Variants in MTSS2 observed in about 807,000 individuals in gnomAD.
MTSS2 encodes MTSS I-BAR domain containing 2.
MTSS2 carries 27 observed loss-of-function variants against 67.1 expected under a neutral mutation model. The ratio of observed to expected loss-of-function variants is 0.40; its 90% CI spans 0.30 to 0.55. The LOEUF is 0.55. Ranked by LOEUF, MTSS2 falls within the 20% of genes least tolerant of loss-of-function variation. MTSS2 has a pLI of 0.43. For missense variants in MTSS2, 1,171 were observed against 1,067.8 expected (o/e 1.10, Z -1.35); for synonymous variants, 624 against 468.6 (o/e 1.33, Z -4.28).
intron 7 of MTSS2, 81 bp from the exon 8 acceptor site, chr16:70,678,490 G>A: frequency 6.6e-7 from 1 of 1,505,792 alleles, no homozygotes; most frequent in African/African-American, 1.4e-5. Context: ...GACCCTGGTG[G>A]TGGCATCTCT....
chr16:70,676,124 G>A (rs1006018060), intron 10 of MTSS2, among the ~76,000 whole-genome samples: 4 of 152,220 alleles, frequency 2.6e-5, no homozygotes, highest in Non-Finnish European at 5.9e-5. Context: ...TGGGGAGAGG[G>A]GTGCCTGGCA....
chr16:70,679,366 G>A (rs1206303675), intron 6 of MTSS2, 43 bp from the exon 7 acceptor site: 2 of 1,612,532 alleles, frequency 1.2e-6, no homozygotes, highest in Non-Finnish European at 8.5e-7. Context: ...GACAGAGAAA[G>A]AAAGAATGTG....
intron 3 of MTSS2, among the ~76,000 whole-genome samples, chr16:70,680,329 C>T (rs1287482907): frequency 6.6e-6 from 1 of 152,108 alleles, no homozygotes; most frequent in Non-Finnish European, 1.5e-5. Context: ...CAGGAGCCGG[C>T]CAAACGACCC....
chr16:70,684,179 C>T lies in MTSS2; in HGVS notation c.69+1544G>A, dbSNP rs564686161. 4.6e-5 allele frequency among the ~76,000 whole-genome samples: 7 copies of T among 152,184 alleles called. No homozygotes were observed. The South Asian group carries it at 6.2e-4, about 14-fold the overall frequency. ...GCCAGTGGTGGTGGGTGGTGGGGTGCGGGAAGGCCCATCCGGAGCCAGCTC... is the reference window on the plus strand; with the variant it reads ...GCCAGTGGTGGTGGGTGGTGGGGTGTGGGAAGGCCCATCCGGAGCCAGCTC... On this transcript the variant is annotated intron_variant, in intron 1 of 14. Coordinates refer to ENST00000338779, the MANE Select transcript of MTSS2 (RefSeq NM_138383.3).
intron 13 of MTSS2, 76 bp downstream of exon 13, chr16:70,664,844 T>A: frequency 4.6e-6 from 7 of 1,518,788 alleles, no homozygotes; most frequent in Non-Finnish European, 4.4e-6. Context: ...GCCAGGTGGT[T>A]GGAGCCGGCC....
At chr16:70,684,089 G>C (rs1263696818) in intron 1 of MTSS2, among the ~76,000 whole-genome samples, 2 of 152,248 alleles carry the variant, frequency 1.3e-5, no homozygotes, top group African/African-American at 2.4e-5. Flanking sequence ...GAGAGGGAGA[G>C]AGACTGTCCT....
chr16:70,664,537 G>A, intron 14 of MTSS2, 61 bp downstream of exon 14: 1 of 1,585,632 alleles, frequency 6.3e-7, no homozygotes. Flanking sequence ...GGAAGGACGG[G>A]GCCCTCCTGG....
chr16:70,679,761 A>T, intron 5 of MTSS2, 25 bp downstream of exon 5: 1 of 1,610,396 alleles, frequency 6.2e-7, no homozygotes, highest in Non-Finnish European at 8.5e-7. Flanking sequence ...GGGGGGTGGG[A>T]AGCCCGGCTC....
intron 13 of MTSS2, 46 bp from the exon 14 acceptor site, chr16:70,664,809 C>T (rs1180335310): frequency 6.4e-7 from 1 of 1,553,084 alleles, no homozygotes; most frequent in Non-Finnish European, 8.7e-7. Context: ...CCCCAATCCC[C>T]TCTGCCCAAA....
At chr16:70,680,728 C>T in intron 3 of MTSS2, 66 bp downstream of exon 3, 1 of 1,420,486 alleles carries the variant, frequency 7.0e-7, no homozygotes, top group Non-Finnish European at 9.7e-7. Context: ...CCATCCCCTA[C>T]TCTTCCTTTC....
Position 70,685,835 on chromosome 16 carries a change from C to A in MTSS2, c.-44G>T, listed in dbSNP as rs2053441490. 1 of 1,193,456 alleles carries A rather than the reference C, an allele frequency of 8.4e-7. No individual in the cohort carries two copies. The highest frequency in any genetic ancestry group is 1.1e-6 in the Non-Finnish European group (1 of 946,200). The allele number at this position is 1,193,456 out of a possible 1,614,324, so 73.9% of individuals were successfully genotyped here. On this transcript the variant is annotated 5_prime_UTR_variant, in exon 1 of 15. Transcript: ENST00000338779. ...CGCGGCGGCGGCTAGGCGCACGGAG[C>A]GCGGGGAGCAGCGCAAGGGAGGGGG...
intron 11 of MTSS2, among the ~76,000 whole-genome samples, chr16:70,670,638 G>A (rs1399121061): frequency 6.6e-6 from 1 of 152,002 alleles, no homozygotes; most frequent in East Asian, 1.9e-4. Flanking sequence ...CAGACATAAA[G>A]GATACATACT....
rs2052533628 is a variant in MTSS2 at position 70,662,765 on chromosome 16, T to A, written c.*912A>T. ...AGTCAGCTCCATTTTATTATATTCA[T>A]AAAATGACCCCACACCTCCTACTGC... On this transcript the variant is annotated 3_prime_UTR_variant, in exon 15 of 15. Transcript: ENST00000338779. The A allele has an allele frequency of 6.6e-6, 1 of 152,554 alleles. No individual in the cohort carries two copies. Among genetic ancestry groups the A allele is most frequent in the Non-Finnish European group, 1.5e-5 (1 of 68,112 alleles). The allele number at this position is 152,554 out of a possible 1,614,324, so 9.5% of individuals were successfully genotyped here. A position where few individuals can be genotyped will look rare whatever the true frequency, so the allele number is the denominator to read the frequency against.
intron 11 of MTSS2, among the ~76,000 whole-genome samples, chr16:70,671,117 C>T (rs2052921979): frequency 6.6e-6 from 1 of 151,266 alleles, no homozygotes; most frequent in Non-Finnish European, 1.5e-5. Flanking sequence ...TAGAATACCT[C>T]AATAAAAAAG....
At chr16:70,681,345 C>T (rs2053299346) in intron 1 of MTSS2, among the ~76,000 whole-genome samples, 1 of 152,228 alleles carries the variant, frequency 6.6e-6, no homozygotes, top group Admixed American at 6.5e-5. Flanking sequence ...CAGGTCCTGT[C>T]CCCTCGGGGT....
chr16:70,683,569 A>G (rs115344644), intron 1 of MTSS2, among the ~76,000 whole-genome samples: 7,726 of 152,290 alleles, frequency 0.051, 409 homozygotes, highest in African/African-American at 0.14. Flanking sequence ...CCGTGCCCAG[A>G]ACTATGACCT....
chr16:70,663,784 C>A lies in MTSS2; in HGVS notation c.2137G>T (p.Ala713Ser), dbSNP rs2052581549. Residue 713 changes from alanine to serine, a missense_variant, in exon 15 of 15, where the codon GCC becomes TCC. Physicochemically the swap from Ala to Ser is moderately conservative, Grantham distance 99. This residue lies in a region of MTSS2 where 924 missense variants were observed against 756.0 expected (regional missense o/e 1.22). Transcript: ENST00000338779. ...TCGGCCGGGGGGTCGCTGGTGGCGG[C>A]TGGGGGTGGGGTGGGCGTCTCCTCC... is the stretch of plus-strand genomic sequence containing the variant. ...PTEETPTPPP[A>S]ATSDPPAEDM... The A allele has an allele frequency of 1.5e-6, 2 of 1,347,624 alleles. No homozygotes were observed. Among genetic ancestry groups the A allele is most frequent in the Non-Finnish European group, 2.0e-6 (2 of 1,016,824 alleles). The allele number at this position is 1,347,624 out of a possible 1,614,324, so 83.5% of individuals were successfully genotyped here. A position where few individuals can be genotyped will look rare whatever the true frequency, so the allele number is the denominator to read the frequency against.
intron 11 of MTSS2, among the ~76,000 whole-genome samples, chr16:70,667,979 T>G (rs2052782075): frequency 6.6e-6 from 1 of 151,604 alleles, no homozygotes; most frequent in Non-Finnish European, 1.5e-5. Flanking sequence ...CCCAGGAGTT[T>G]TTTTTTTTTT....
At position 70,661,676 on chromosome 16, in the gene MTSS2, T is replaced by TAG. The variant is rs2052477271; in HGVS notation, c.*1999_*2000dup. 3.1e-6 allele frequency: 1 copy of TAG among 319,040 alleles called. No individual in the cohort carries two copies. Among genetic ancestry groups the TAG allele is most frequent in the Admixed American group, 4.6e-5 (1 of 21,686 alleles). 19.8% of individuals were successfully genotyped at this position (319,040 alleles called of 1,614,324 possible). The stretch of plus-strand genomic sequence containing the variant: ...CTCAGGGATGGACAAGGGGATGGAG[T>TAG]AGAGTATGTACAGCCCCCGGGGCTC... On this transcript the variant is annotated 3_prime_UTR_variant, in exon 15 of 15. Coordinates refer to ENST00000338779, the MANE Select transcript of MTSS2 (RefSeq NM_138383.3).
Sources: allele counts gnomAD v4.1 joint callset (sites outside exome capture counted in the v4.1 genomes callset), GRCh38; gene constraint gnomAD v4.1.1; regional missense constraint gnomAD v4.1.1; transcripts MANE v1.5; gene names NCBI Gene and HGNC (gene_info 2026-07-23, HGNC 2026-07-21).